FAM3C: variants seen among roughly 807,000 people sequenced by gnomAD.
The protein encoded by FAM3C is protein FAM3C.
FAM3C carries 15 observed loss-of-function variants against 32.5 expected under a neutral mutation model. The ratio of observed to expected loss-of-function variants is 0.46; its 90% CI spans 0.31 to 0.71. FAM3C has a LOEUF of 0.71. Among genes scored for constraint, FAM3C ranks in the 30% least tolerant of loss-of-function variants. The pLI is 0.05. For synonymous variants in FAM3C, 75 were observed against 86.1 expected (o/e 0.87, Z 0.72); for missense variants, 175 against 274.4 (o/e 0.64, Z 2.56).
chr7:121,381,346 A>C, intron 2 of FAM3C, among the ~76,000 whole-genome samples: 1 of 152,288 alleles, frequency 6.6e-6, no homozygotes, highest in Non-Finnish European at 1.5e-5. Flanking sequence ...AATTAGTTAA[A>C]AGCAATAAAT....
At chr7:121,350,762 C>G (rs1007782172) in intron 9 of FAM3C, among the ~76,000 whole-genome samples, 1 of 152,102 alleles carries the variant, frequency 6.6e-6, no homozygotes, top group Non-Finnish European at 1.5e-5. Context: ...ATTGCACGTG[C>G]TTTTAAAGGA....
intron 1 of FAM3C, among the ~76,000 whole-genome samples, chr7:121,390,194 T>G (rs1002532715): frequency 6.6e-6 from 1 of 152,222 alleles, no homozygotes; most frequent in African/African-American, 2.4e-5. Context: ...AATACCCTAT[T>G]TATTTTAACT....
intron 5 of FAM3C, among the ~76,000 whole-genome samples, chr7:121,367,015 T>C (rs749985312): frequency 3.5e-4 from 54 of 152,166 alleles, no homozygotes; most frequent in Non-Finnish European, 5.0e-4. Flanking sequence ...CACAATGACA[T>C]AGGCTTCCCA....
At chr7:121,363,978 C>T (rs1020540199) in intron 6 of FAM3C, 152 bp downstream of exon 6, 14 of 569,918 alleles carry the variant, frequency 2.5e-5, no homozygotes, top group Non-Finnish European at 3.8e-5. Context: ...CACCAAGTCT[C>T]CACCCATAGA....
At chr7:121,384,063 G>A (rs1794415229) in intron 1 of FAM3C, among the ~76,000 whole-genome samples, 1 of 152,106 alleles carries the variant, frequency 6.6e-6, no homozygotes, top group Non-Finnish European at 1.5e-5. Context: ...TTTATTCACT[G>A]GACTAGGCAG....
Position 121,349,269 on chromosome 7 carries a change from A to G in FAM3C, c.*1192T>C, listed in dbSNP as rs1793648706. The G allele has an allele frequency of 6.6e-6, 1 of 152,558 alleles. No individual in the cohort carries two copies. Among genetic ancestry groups the G allele is most frequent in the African/African-American group, 2.4e-5 (1 of 41,426 alleles). 9.5% of individuals were successfully genotyped at this position (152,558 alleles called of 1,614,324 possible). A position where few individuals can be genotyped will look rare whatever the true frequency, so the allele number is the denominator to read the frequency against. ...TTACACTGTGAATGGCAGTTTGATC[A>G]CTAAATTTATGTTCCAGTTTGAGAT... On this transcript the variant is annotated 3_prime_UTR_variant, in exon 10 of 10. Transcript: ENST00000359943.
chr7:121,354,840 A>G (rs1483920609), intron 8 of FAM3C, among the ~76,000 whole-genome samples: 4 of 152,156 alleles, frequency 2.6e-5, no homozygotes, highest in African/African-American at 9.7e-5. Context: ...AAAACTCTAT[A>G]ATTTTCACTA....
rs1259049520 is a variant in FAM3C, at chr7:121,349,483, T to C, written c.*978A>G. 6.6e-6 allele frequency: 1 copy of C among 152,142 alleles called. No homozygotes were observed. Among genetic ancestry groups the C allele is most frequent in the African/African-American group, 2.4e-5 (1 of 41,430 alleles). The allele number at this position is 152,142 out of a possible 1,614,324, so 9.4% of individuals were successfully genotyped here. On this transcript the variant is annotated 3_prime_UTR_variant, in exon 10 of 10. Coordinates refer to ENST00000359943, the MANE Select transcript of FAM3C (RefSeq NM_014888.3). ...ATCAGTCCGCCCAGTAATAAGAACT[T>C]TTGTAAATATGCCACTATAGCTTCG...
chr7:121,365,867 A>C (rs1031013358), intron 5 of FAM3C, among the ~76,000 whole-genome samples: 1 of 152,150 alleles, frequency 6.6e-6, no homozygotes, highest in African/African-American at 2.4e-5. Context: ...TTCAATTATA[A>C]AGAAACAACC....
chr7:121,361,324 T>C (rs1038637380), intron 7 of FAM3C, among the ~76,000 whole-genome samples: 2 of 152,236 alleles, frequency 1.3e-5, no homozygotes, highest in Admixed American at 1.3e-4. Context: ...TTTCGATAAC[T>C]GATTATATTT....
intron 5 of FAM3C, among the ~76,000 whole-genome samples, chr7:121,364,923 C>T (rs1433365244): frequency 6.6e-6 from 1 of 152,086 alleles, no homozygotes; most frequent in Non-Finnish European, 1.5e-5. Flanking sequence ...TCTTTTAACT[C>T]AAAACTTCAA....
At chr7:121,368,511 G>A (rs947339563) in intron 5 of FAM3C, among the ~76,000 whole-genome samples, 4 of 152,128 alleles carry the variant, frequency 2.6e-5, no homozygotes, top group African/African-American at 4.8e-5. Context: ...AAAGTGCTGT[G>A]GCAGTAACTG....
intron 8 of FAM3C, among the ~76,000 whole-genome samples, chr7:121,356,565 T>C (rs1472467661): frequency 2.6e-5 from 4 of 152,198 alleles, no homozygotes. Flanking sequence ...TTTCAATCTA[T>C]TTCAAATGGA....
At chr7:121,371,508 A>G in intron 4 of FAM3C, 85 bp from the exon 5 acceptor site, 1 of 1,368,096 alleles carries the variant, frequency 7.3e-7, no homozygotes, top group Admixed American at 1.9e-5. Flanking sequence ...CAAACCACAA[A>G]GAGCATTAAG....
chr7:121,369,055 C>G (rs1473901976), intron 5 of FAM3C, among the ~76,000 whole-genome samples: 1 of 148,258 alleles, frequency 6.7e-6, no homozygotes, highest in African/African-American at 2.5e-5. Context: ...TCTTGGCCCA[C>G]TGCAACCTCC....
intron 1 of FAM3C, among the ~76,000 whole-genome samples, chr7:121,393,478 G>T (rs1443945482): frequency 6.6e-6 from 1 of 151,960 alleles, no homozygotes; most frequent in Non-Finnish European, 1.5e-5. Context: ...TCTGTTACAG[G>T]AATTTAATTT....
intron 9 of FAM3C, 95 bp from the exon 10 acceptor site, chr7:121,350,645 C>T: frequency 2.4e-6 from 3 of 1,249,868 alleles, no homozygotes; most frequent in East Asian, 2.4e-5. Flanking sequence ...CAGTAATACT[C>T]ATGTCAACAA....
At chr7:121,351,306 A>T (rs764077045) in intron 8 of FAM3C, 37 bp from the exon 9 acceptor site, 2 of 1,598,968 alleles carry the variant, frequency 1.3e-6, no homozygotes, top group Admixed American at 1.7e-5. Flanking sequence ...CAATAAACAG[A>T]GGGAACTGTA....
intron 1 of FAM3C, among the ~76,000 whole-genome samples, 183 bp downstream of exon 1, chr7:121,395,979 C>T (rs1794686616): frequency 6.6e-6 from 1 of 151,716 alleles, no homozygotes; most frequent in African/African-American, 2.4e-5. Flanking sequence ...GACCCCAGTC[C>T]CGCCTGCGCC....
Sources: allele counts gnomAD v4.1 joint callset (sites outside exome capture counted in the v4.1 genomes callset), GRCh38; gene constraint gnomAD v4.1.1; transcripts MANE v1.5; gene names NCBI Gene and HGNC (gene_info 2026-07-23, HGNC 2026-07-21).